MAN1A1: variants seen among roughly 807,000 people sequenced by gnomAD.
MAN1A1 encodes the protein mannosidase alpha class 1A member 1.
A neutral mutation model predicts 70.8 loss-of-function variants in MAN1A1; 29 were observed. The observed-to-expected ratio is 0.41, with a 90% CI of 0.31 to 0.56. The LOEUF (loss-of-function observed/expected upper bound fraction) is 0.56, where lower values mean the gene tolerates loss of function less well. MAN1A1 is among the 20% of genes least tolerant of loss of function. MAN1A1 has a pLI of 0.29. For missense variants in MAN1A1, 747 were observed against 841.3 expected (o/e 0.89, Z 1.39); for synonymous variants, 349 against 330.1 (o/e 1.06, Z -0.62).
chr6:119,298,887 C>A (rs551263348), intron 4 of MAN1A1, among the ~76,000 whole-genome samples: 6 of 152,122 alleles, frequency 3.9e-5, no homozygotes, highest in Admixed American at 2.0e-4. Context: ...TGAGCCACTG[C>A]GCCTGGCCAA....
At chr6:119,202,119 A>C (rs934474148) in intron 7 of MAN1A1, among the ~76,000 whole-genome samples, 2 of 152,194 alleles carry the variant, frequency 1.3e-5, no homozygotes, top group African/African-American at 4.8e-5. Context: ...TTTACTTTAT[A>C]AACTTTTTAA....
At chr6:119,216,471 AG>A in intron 6 of MAN1A1, among the ~76,000 whole-genome samples, 1 of 152,320 alleles carries the variant, frequency 6.6e-6, no homozygotes, top group African/African-American at 2.4e-5. Context: ...CTAGTTTGCT[AG>A]CTCTAGCAGC....
chr6:119,336,208 T>C (rs1230575893), intron 2 of MAN1A1, among the ~76,000 whole-genome samples: 3 of 152,198 alleles, frequency 2.0e-5, no homozygotes, highest in Non-Finnish European at 4.4e-5. Context: ...TAGCTGGGAC[T>C]ACAGGCTCAC....
chr6:119,318,674 C>T (rs1158245346), intron 2 of MAN1A1, among the ~76,000 whole-genome samples: 1 of 152,140 alleles, frequency 6.6e-6, no homozygotes, highest in Non-Finnish European at 1.5e-5. Flanking sequence ...ATTAAATGTA[C>T]TGCTATATTA....
At chr6:119,303,825 C>T (rs1582786853) in intron 3 of MAN1A1, among the ~76,000 whole-genome samples, 1 of 152,290 alleles carries the variant, frequency 6.6e-6, no homozygotes. Flanking sequence ...CCATATGCCT[C>T]CCAGTCCAAG....
At chr6:119,296,383 T>C (rs541757606) in intron 4 of MAN1A1, among the ~76,000 whole-genome samples, 3 of 152,312 alleles carry the variant, frequency 2.0e-5, no homozygotes, top group African/African-American at 4.8e-5. Flanking sequence ...ATCATCACTC[T>C]TGGTAGGTAT....
chr6:119,344,269 A>G (rs1443406076), intron 2 of MAN1A1, among the ~76,000 whole-genome samples: 1 of 152,266 alleles, frequency 6.6e-6, no homozygotes, highest in East Asian at 1.9e-4. Flanking sequence ...AGAGGAAGAC[A>G]GAATATTCTA....
At chr6:119,237,905 A>G (rs749309273) in intron 6 of MAN1A1, among the ~76,000 whole-genome samples, 2 of 152,224 alleles carry the variant, frequency 1.3e-5, no homozygotes, top group Non-Finnish European at 2.9e-5. Context: ...GTTATATTCA[A>G]TAAAGCACAG....
chr6:119,318,677 C>T (rs1264575672), intron 2 of MAN1A1, among the ~76,000 whole-genome samples: 4 of 152,098 alleles, frequency 2.6e-5, no homozygotes, highest in Admixed American at 2.0e-4. Context: ...AAATGTACTG[C>T]TATATTAAAA....
At position 119,348,548 on chromosome 6, in the gene MAN1A1, G is replaced by A. The variant is rs552420715; in HGVS notation, c.518C>T (p.Pro173Leu). Reference sequence around the variant, plus strand: ...CCCGATTGGGGGCACGAAGTCCACCGGGGGCAGGCCTCTGAACGGCGCCTT... The same window carrying A: ...CCCGATTGGGGGCACGAAGTCCACCAGGGGCAGGCCTCTGAACGGCGCCTT... ...RDKAPFRGLP[P>L]VDFVPPIGVE... Residue 173 changes from proline to leucine, a missense_variant, in exon 2 of 13, where the codon CCG becomes CTG. Around this residue, in one of 2 missense-constraint regions of MAN1A1, gnomAD observed 328 missense variants for 293.1 expected, o/e 1.12. Transcript: ENST00000368468. The A allele has an allele frequency of 4.0e-5, 65 of 1,613,118 alleles. No homozygotes were observed. In the East Asian group the frequency reaches 1.2e-3, roughly 30 times the overall value.
chr6:119,294,718 C>T (rs560401587), intron 4 of MAN1A1, among the ~76,000 whole-genome samples: 1 of 152,152 alleles, frequency 6.6e-6, no homozygotes, highest in Admixed American at 6.6e-5. Context: ...AGAAATTGTT[C>T]TTTCATTTTG....
chr6:119,279,666 C>T (rs1369284925), intron 5 of MAN1A1, among the ~76,000 whole-genome samples: 3 of 152,182 alleles, frequency 2.0e-5, no homozygotes, highest in Non-Finnish European at 4.4e-5. Flanking sequence ...GAATAACTAT[C>T]TCATTTATTT....
chr6:119,265,694 TAGA>T (rs1174868330), intron 5 of MAN1A1, among the ~76,000 whole-genome samples: 4 of 152,128 alleles, frequency 2.6e-5, no homozygotes, highest in East Asian at 1.9e-4. Context: ...CGGTGAGAAA[TAGA>T]AGATTTCCCA....
chr6:119,350,591 T>TA, upstream of MAN1A1: 1 of 976,728 alleles, frequency 1.0e-6, no homozygotes. Flanking sequence ...CTTCAAGCAA[T>TA]AAGTCGAACA....
chr6:119,300,610 CTTTAA>C (rs922783492), intron 4 of MAN1A1, among the ~76,000 whole-genome samples: 10 of 152,058 alleles, frequency 6.6e-5, no homozygotes, highest in African/African-American at 2.2e-4. Context: ...TTTTCCAGTG[CTTTAA>C]TTTTTCATAT....
intron 10 of MAN1A1, 102 bp downstream of exon 10, chr6:119,189,562 T>A: frequency 5.0e-6 from 5 of 1,005,632 alleles, no homozygotes; most frequent in Non-Finnish European, 7.8e-6. Context: ...TCATCAAGCT[T>A]CATAGGCAGA....
intron 4 of MAN1A1, among the ~76,000 whole-genome samples, chr6:119,297,808 TG>T (rs138654409): frequency 3.6e-4 from 52 of 143,780 alleles, no homozygotes; most frequent in South Asian, 2.2e-3. Context: ...TGTTTTGTTT[TG>T]TTTTTTAAAT....
intron 2 of MAN1A1, among the ~76,000 whole-genome samples, chr6:119,321,081 T>C (rs533627295): frequency 6.6e-6 from 1 of 152,356 alleles, no homozygotes; most frequent in Non-Finnish European, 1.5e-5. Flanking sequence ...CTTTCTCAAA[T>C]GTAAAATTTT....
At chr6:119,233,619 G>C (rs1001849506) in intron 6 of MAN1A1, among the ~76,000 whole-genome samples, 1 of 152,214 alleles carries the variant, frequency 6.6e-6, no homozygotes, top group African/African-American at 2.4e-5. Flanking sequence ...AATAAGCACA[G>C]GGTACAAGAG....
Sources: allele counts gnomAD v4.1 joint callset (sites outside exome capture counted in the v4.1 genomes callset), GRCh38; gene constraint gnomAD v4.1.1; regional missense constraint gnomAD v4.1.1; transcripts MANE v1.5; gene names NCBI Gene and HGNC (gene_info 2026-07-23, HGNC 2026-07-21).